Variants in C17orf67 observed in about 807,000 individuals in gnomAD.
C17orf67 encodes chromosome 17 open reading frame 67, also known as uncharacterized protein C17orf67.
In C17orf67, 12 loss-of-function variants were observed where a neutral mutation model predicts 11.2. That is an observed-to-expected ratio of 1.07 (90% CI 0.68 to 1.73). The LOEUF is 1.73. Among genes scored for constraint, C17orf67 ranks in the 40% most tolerant of loss-of-function variants. C17orf67 has a pLI of 0.00. For synonymous variants in C17orf67, 59 were observed against 46.9 expected (o/e 1.26, Z -1.05); for missense variants, 115 against 113.5 (o/e 1.01, Z -0.06).
chr17:56,820,813 G>T (rs1289596802), intron 4 of C17orf67, among the ~76,000 whole-genome samples: 1 of 127,458 alleles, frequency 7.8e-6, no homozygotes, highest in Non-Finnish European at 1.6e-5. Flanking sequence ...CCATTACACA[G>T]ATATTTAAGT....
intron 5 of C17orf67, 90 bp from the exon 6 acceptor site, chr17:56,815,059 C>A: frequency 8.9e-7 from 1 of 1,127,112 alleles, no homozygotes; most frequent in South Asian, 1.2e-5. Context: ...TTTGCAAGTT[C>A]AATTTTGGTT....
chr17:56,796,098 A>T (rs994381271), intron 6 of C17orf67, among the ~76,000 whole-genome samples: 1 of 152,252 alleles, frequency 6.6e-6, no homozygotes, highest in Non-Finnish European at 1.5e-5. Context: ...TACTAGAAAT[A>T]GAGAAGCATT....
intron 7 of C17orf67, among the ~76,000 whole-genome samples, chr17:56,792,873 G>A (rs868324930): frequency 3.5e-4 from 50 of 143,392 alleles, no homozygotes; most frequent in Middle Eastern, 3.6e-3. Context: ...GATGGTGGTG[G>A]TGGTGGTGGT....
At chr17:56,811,713 G>T (rs1357891656) in intron 6 of C17orf67, among the ~76,000 whole-genome samples, 3 of 152,172 alleles carry the variant, frequency 2.0e-5, no homozygotes, top group Admixed American at 1.3e-4. Flanking sequence ...TGCTTAGTAG[G>T]GCATGGTCAA....
At chr17:56,820,700 T>A (rs1466352967) in intron 4 of C17orf67, among the ~76,000 whole-genome samples, 1 of 151,014 alleles carries the variant, frequency 6.6e-6, no homozygotes, top group Non-Finnish European at 1.5e-5. Context: ...TAAAAGCCTA[T>A]AAAGGAATAA....
At position 56,832,958 on chromosome 17, in the gene C17orf67, G is replaced by C. The variant is rs1045828228; in HGVS notation, c.-617C>G. On this transcript the variant is annotated 5_prime_UTR_variant, in exon 2 of 8. Coordinates refer to ENST00000397861, the MANE Select transcript of C17orf67 (RefSeq NM_001085430.4). ...ATGTTATGTCTTCTCTAATCGTTTG[G>C]AAGATATTATCAAGTATTTCTTTGC... 5.9e-5 allele frequency: 9 copies of C among 152,192 alleles called. No individual in the cohort carries two copies. The highest frequency in any genetic ancestry group is 1.2e-4 in the Non-Finnish European group (8 of 68,044). The allele number at this position is 152,192 out of a possible 1,614,324, so 9.4% of individuals were successfully genotyped here.
intron 5 of C17orf67, 89 bp from the exon 6 acceptor site, chr17:56,815,058 T>C: frequency 8.9e-7 from 1 of 1,127,432 alleles, no homozygotes; most frequent in Non-Finnish European, 1.3e-6. Context: ...ATTTGCAAGT[T>C]CAATTTTGGT....
chr17:56,822,783 G>A (rs578056587), intron 4 of C17orf67, among the ~76,000 whole-genome samples: 4 of 152,272 alleles, frequency 2.6e-5, no homozygotes, highest in East Asian at 1.9e-4. Context: ...TGTCAACACC[G>A]CAGGCCCTGG....
At chr17:56,820,767 C>CTTTT (rs746734939) in intron 4 of C17orf67, among the ~76,000 whole-genome samples, 4 of 122,508 alleles carry the variant, frequency 3.3e-5, no homozygotes, top group East Asian at 2.3e-4. Flanking sequence ...GTGAGTTTCC[C>CTTTT]TTTTTTTTTT....
At chr17:56,795,613 G>T (rs151253705) in intron 6 of C17orf67, among the ~76,000 whole-genome samples, 2 of 152,262 alleles carry the variant, frequency 1.3e-5, no homozygotes, top group East Asian at 3.9e-4. Flanking sequence ...TTGAGAAGTT[G>T]CATTTCTAAC....
rs551943868 is a variant in C17orf67 at position 56,814,945 on chromosome 17, T to C, written c.80A>G (p.Lys27Arg). The change falls in exon 6 of 8, where the codon AAG becomes AGG. Residue 27 changes from lysine (K) to arginine (R), a missense_variant. Physicochemically the swap from Lys to Arg is conservative, Grantham distance 26. Coordinates refer to ENST00000397861, the MANE Select transcript of C17orf67 (RefSeq NM_001085430.4). ...FSETSPILTE[K>R]QAKQLLRSRR... ...AGATCTTAGGAGCTGTTTGGCCTGC[T>C]TCTCTGTCAAAATCGGGGAGGTCTC... 5.3e-5 allele frequency: 86 copies of C among 1,614,154 alleles called. No individual in the cohort carries two copies. In the South Asian group the frequency reaches 9.2e-4, roughly 17 times the overall value.
At chr17:56,829,363 G>C (rs886762194) in intron 2 of C17orf67, among the ~76,000 whole-genome samples, 4 of 152,188 alleles carry the variant, frequency 2.6e-5, no homozygotes, top group African/African-American at 7.2e-5. Context: ...AAAGAAGAGA[G>C]ATCCAGACTC....
At chr17:56,819,612 C>A (rs1337604066) in intron 4 of C17orf67, among the ~76,000 whole-genome samples, 3 of 152,096 alleles carry the variant, frequency 2.0e-5, no homozygotes, top group South Asian at 4.1e-4. Flanking sequence ...AGGTGTGATA[C>A]TGGCAGGGCC....
At chr17:56,795,715 A>C (rs1217810078) in intron 6 of C17orf67, among the ~76,000 whole-genome samples, 1 of 152,254 alleles carries the variant, frequency 6.6e-6, no homozygotes, top group Non-Finnish European at 1.5e-5. Flanking sequence ...TTATAGCAGC[A>C]ATAAATTTGT....
chr17:56,800,637 C>G (rs1905297716), intron 6 of C17orf67, among the ~76,000 whole-genome samples: 1 of 152,200 alleles, frequency 6.6e-6, no homozygotes, highest in Non-Finnish European at 1.5e-5. Context: ...CCTGTACCTT[C>G]TTATTTTCCC....
At chr17:56,798,110 C>T (rs1347521429) in intron 6 of C17orf67, among the ~76,000 whole-genome samples, 1 of 152,086 alleles carries the variant, frequency 6.6e-6, no homozygotes, top group East Asian at 1.9e-4. Flanking sequence ...AGCTTCAGCG[C>T]ACTCCTCTTC....
chr17:56,798,856 T>C (rs1359182018), intron 6 of C17orf67, among the ~76,000 whole-genome samples: 1 of 151,660 alleles, frequency 6.6e-6, no homozygotes, highest in African/African-American at 2.4e-5. Context: ...TAAACACAAA[T>C]AAAAATAAAA....
At chr17:56,822,571 T>C (rs2144145272) in intron 4 of C17orf67, among the ~76,000 whole-genome samples, 2 of 152,312 alleles carry the variant, frequency 1.3e-5, no homozygotes, top group Middle Eastern at 3.4e-3. Context: ...ATAATAAAAG[T>C]CTACTACTTG....
At chr17:56,804,642 T>C (rs1452910955) in intron 6 of C17orf67, among the ~76,000 whole-genome samples, 1 of 152,224 alleles carries the variant, frequency 6.6e-6, no homozygotes, top group Non-Finnish European at 1.5e-5. Context: ...AAATGATTTA[T>C]ATTTGCCCAA....
Sources: gnomAD v4.1 joint callset for allele counts (sites outside exome capture counted in the v4.1 genomes callset) on GRCh38, gnomAD v4.1.1 for gene constraint, MANE v1.5 for transcripts, NCBI Gene and HGNC (gene_info 2026-07-23, HGNC 2026-07-21) for gene names.